Variants in FBXL20 observed in about 807,000 individuals in gnomAD.
FBXL20 encodes the protein F-box/LRR-repeat protein 20.
Under a neutral mutation model 64.0 loss-of-function variants are expected in FBXL20, and 11 were observed. That is an observed-to-expected ratio of 0.17 (90% CI 0.11 to 0.28). FBXL20 has a LOEUF of 0.28. Ranked by LOEUF, FBXL20 falls within the 10% of genes least tolerant of loss-of-function variation. The probability of loss-of-function intolerance (pLI) is 1.00; values close to 1 mark genes in which losing one functional copy is unlikely to be tolerated. For synonymous variants in FBXL20, 184 were observed against 189.0 expected (o/e 0.97, Z 0.22); for missense variants, 303 against 526.2 (o/e 0.58, Z 4.15).
chr17:39,396,982 G>A (rs1413777287), intron 1 of FBXL20, among the ~76,000 whole-genome samples: 2 of 151,774 alleles, frequency 1.3e-5, no homozygotes, highest in African/African-American at 4.8e-5. Context: ...AAAAATCCAG[G>A]TCTCTCCACT....
chr17:39,310,128 C>T (rs1215180183), intron 2 of FBXL20, among the ~76,000 whole-genome samples: 1 of 142,886 alleles, frequency 7.0e-6, no homozygotes, highest in Non-Finnish European at 1.5e-5. Flanking sequence ...ACTCCAGTGA[C>T]AGAATGAGAC....
chr17:39,334,010 G>A (rs1437678974), intron 2 of FBXL20, among the ~76,000 whole-genome samples: 1 of 152,240 alleles, frequency 6.6e-6, no homozygotes, highest in Non-Finnish European at 1.5e-5. Context: ...GATGACGATG[G>A]CAGTTTGGTC....
intron 8 of FBXL20, among the ~76,000 whole-genome samples, 192 bp from the exon 9 acceptor site, chr17:39,281,655 A>T (rs144033681): frequency 6.6e-6 from 1 of 152,328 alleles, no homozygotes; most frequent in Admixed American, 6.5e-5. Flanking sequence ...TTTTAAAATC[A>T]GCTTTGACCA....
intron 2 of FBXL20, among the ~76,000 whole-genome samples, chr17:39,342,816 A>T (rs577628670): frequency 6.6e-6 from 1 of 152,316 alleles, no homozygotes; most frequent in East Asian, 1.9e-4. Flanking sequence ...TGGGAGGTTG[A>T]GGCTGCAGTA....
intron 1 of FBXL20, among the ~76,000 whole-genome samples, chr17:39,381,205 C>T (rs1310478300): frequency 6.6e-6 from 1 of 151,304 alleles, no homozygotes; most frequent in Non-Finnish European, 1.5e-5. Context: ...ACAGGCCAGA[C>T]ACAGTGGCTC....
At chr17:39,317,489 C>T (rs1333215539) in intron 2 of FBXL20, among the ~76,000 whole-genome samples, 2 of 151,984 alleles carry the variant, frequency 1.3e-5, no homozygotes, top group African/African-American at 4.8e-5. Context: ...CTCTGCCTCC[C>T]AAAGTGCTGG....
intron 12 of FBXL20, among the ~76,000 whole-genome samples, chr17:39,266,219 T>C (rs1272730410): frequency 1.4e-5 from 2 of 147,106 alleles, no homozygotes; most frequent in Admixed American, 6.7e-5. Flanking sequence ...CAGGCTAGTT[T>C]GTTGTTTTTT....
intron 1 of FBXL20, among the ~76,000 whole-genome samples, chr17:39,395,730 A>C (rs756057058): frequency 3.3e-5 from 5 of 152,200 alleles, no homozygotes; most frequent in African/African-American, 4.8e-5. Context: ...TTTTCTATGC[A>C]CAATGTTCTT....
chr17:39,283,060 C>T (rs929893860), intron 7 of FBXL20, among the ~76,000 whole-genome samples: 1 of 152,074 alleles, frequency 6.6e-6, no homozygotes, highest in Non-Finnish European at 1.5e-5. Flanking sequence ...ATCTAAAATC[C>T]AGCTTAACCA....
intron 9 of FBXL20, among the ~76,000 whole-genome samples, chr17:39,280,078 C>T (rs1597771917): frequency 6.6e-6 from 1 of 151,676 alleles, no homozygotes; most frequent in East Asian, 1.9e-4. Context: ...ACTAAAAATA[C>T]AAAAAAATCA....
chr17:39,398,864 C>T (rs919768117), intron 1 of FBXL20, among the ~76,000 whole-genome samples: 1 of 151,838 alleles, frequency 6.6e-6, no homozygotes, highest in Admixed American at 6.6e-5. Context: ...TAGTAGAGAC[C>T]GGGTTTCACC....
intron 2 of FBXL20, among the ~76,000 whole-genome samples, chr17:39,320,862 C>G (rs1445144333): frequency 1.3e-5 from 2 of 152,080 alleles, no homozygotes; most frequent in African/African-American, 4.8e-5. Flanking sequence ...TCCCAGAATG[C>G]TGTGACTACA....
chr17:39,349,026 C>A (rs1041775976), intron 1 of FBXL20, among the ~76,000 whole-genome samples: 2 of 151,836 alleles, frequency 1.3e-5, no homozygotes, highest in South Asian at 4.2e-4. Flanking sequence ...CTGAGGCGGG[C>A]AGATCACTTG....
At chr17:39,320,662 T>C (rs564695335) in intron 2 of FBXL20, among the ~76,000 whole-genome samples, 28 of 151,748 alleles carry the variant, frequency 1.8e-4, no homozygotes, top group Admixed American at 7.2e-4. Flanking sequence ...TGGCAAGATC[T>C]TGGCTCACTG....
intron 1 of FBXL20, among the ~76,000 whole-genome samples, chr17:39,391,957 C>T (rs1026929416): frequency 1.3e-5 from 2 of 151,130 alleles, no homozygotes; most frequent in African/African-American, 4.9e-5. Context: ...GTCTGGCCAA[C>T]ACGGTGAAAC....
At position 39,397,799 on chromosome 17, in the gene FBXL20, A is replaced by AT. The variant is rs201076578; in HGVS notation, c.42+3561dup. The stretch of plus-strand genomic sequence containing the variant: ...ACTTTGGAAAAGCTCTTTTCCACAA[A>AT]TTTTATAGACTTTTTGCTAGTCATG... On this transcript the variant is annotated intron_variant, in intron 1 of 14. Coordinates refer to ENST00000264658, the MANE Select transcript of FBXL20 (RefSeq NM_032875.3). 2.4e-4 allele frequency among the ~76,000 whole-genome samples: 36 copies of AT among 151,760 alleles called. No homozygotes were observed. In the East Asian group the frequency reaches 6.2e-3, roughly 26 times the overall value.
At chr17:39,267,930 T>C (rs1244367707) in intron 12 of FBXL20, among the ~76,000 whole-genome samples, 1 of 152,168 alleles carries the variant, frequency 6.6e-6, no homozygotes, top group African/African-American at 2.4e-5. Context: ...ACAAAAAATT[T>C]TTTAGAAAGT....
At chr17:39,348,802 C>A (rs1275012411) in intron 1 of FBXL20, among the ~76,000 whole-genome samples, 1 of 152,148 alleles carries the variant, frequency 6.6e-6, no homozygotes, top group Non-Finnish European at 1.5e-5. Context: ...GGACTCAATG[C>A]TCCCCCTTCG....
chr17:39,309,641 A>G (rs2047213498), intron 2 of FBXL20, among the ~76,000 whole-genome samples: 1 of 151,878 alleles, frequency 6.6e-6, no homozygotes, highest in Non-Finnish European at 1.5e-5. Flanking sequence ...CGTCTCTACT[A>G]AAATACAAAA....
Sources: gnomAD v4.1 joint callset for allele counts (sites outside exome capture counted in the v4.1 genomes callset) on GRCh38, gnomAD v4.1.1 for gene constraint, MANE v1.5 for transcripts, NCBI Gene and HGNC (gene_info 2026-07-23, HGNC 2026-07-21) for gene names.